Variants in CNTN2 observed in about 807,000 individuals in gnomAD.
The protein encoded by CNTN2 is contactin 2.
In CNTN2, 53 loss-of-function variants were observed where a neutral mutation model predicts 117.5. That is an observed-to-expected ratio of 0.45 (90% CI 0.36 to 0.57). The LOEUF is 0.57. Ranked by LOEUF, CNTN2 falls within the 20% of genes least tolerant of loss-of-function variation. The pLI, the probability that CNTN2 is intolerant of heterozygous loss-of-function variation, is 0.00. For synonymous variants in CNTN2, 530 were observed against 561.7 expected, an observed-to-expected ratio of 0.94 and a Z score of 0.80; for missense variants, 1,106 against 1,404.3, an observed-to-expected ratio of 0.79 and a Z score of 3.39.
chr1:205,064,887 C>G (rs915657480), intron 12 of CNTN2, 137 bp downstream of exon 12: 4 of 1,352,670 alleles, frequency 3.0e-6, no homozygotes, highest in African/African-American at 2.9e-5. Flanking sequence ...CTTGGGACCA[C>G]CCCCTGGCCA....
At chr1:205,044,323 A>G (rs2096437439) in intron 1 of CNTN2, among the ~76,000 whole-genome samples, 1 of 152,092 alleles carries the variant, frequency 6.6e-6, no homozygotes, top group Non-Finnish European at 1.5e-5. Flanking sequence ...ACCTTCTCCA[A>G]GAGGGTCTCT....
intron 1 of CNTN2, 35 bp from the exon 2 acceptor site, chr1:205,053,065 C>T (rs1041392201): frequency 2.2e-5 from 14 of 644,682 alleles, no homozygotes; most frequent in African/African-American, 1.5e-4. Flanking sequence ...GGGCGCTCCT[C>T]GGCTCAGAGC....
rs554475423 is a variant in CNTN2, at chr1:205,047,181, T to A, written c.-87+3787T>A. On this transcript the variant is annotated intron_variant, in intron 1 of 22. Coordinates refer to ENST00000331830, the MANE Select transcript of CNTN2 (RefSeq NM_005076.5). ...GGACGGGGCTGCACGACACCCCTGG[T>A]CCCCATTGGGGCTGAGGAGGTCCCT... 5.3e-5 allele frequency among the ~76,000 whole-genome samples: 8 copies of A among 152,220 alleles called. No individual in the cohort carries two copies. In the South Asian group the frequency reaches 1.7e-3, roughly 32 times the overall value.
In CNTN2 at chr1:205,073,336, G is replaced by A. The variant is rs968953859; in HGVS notation, c.3013+100G>A. 17 of 1,412,216 alleles carry A rather than the reference G, an allele frequency of 1.2e-5. No individual in the cohort carries two copies. The highest frequency in any genetic ancestry group is 1.1e-4 in the African/African-American group (8 of 70,130). The allele number at this position is 1,412,216 out of a possible 1,614,324, so 87.5% of individuals were successfully genotyped here. On this transcript the variant is annotated intron_variant, in intron 22 of 22. Coordinates refer to ENST00000331830, the MANE Select transcript of CNTN2 (RefSeq NM_005076.5). The surrounding 1 kb of genome is among the most constrained non-coding windows in gnomAD (Gnocchi z 6.3). ...CCCAGGCCAACTCCAATCTCTACCC[G>A]CAAAGGAAAGTGGAAGGCAGGCAGG... is the stretch of plus-strand genomic sequence containing the variant.
Position 205,074,707 on chromosome 1 carries a change from G to T in CNTN2, c.*942G>T. 1 of 399,040 alleles carries T rather than the reference G, an allele frequency of 2.5e-6. No homozygotes were observed. The allele number at this position is 399,040 out of a possible 1,614,324, so 24.7% of individuals were successfully genotyped here. A position where few individuals can be genotyped will look rare whatever the true frequency, so the allele number is the denominator to read the frequency against. ...CTCCAGTGCTGCCTGCAGTCAGCTC[G>T]GCCTCCCCGACCTGCAGCCCCAGAC... On this transcript the variant is annotated 3_prime_UTR_variant, in exon 23 of 23. Coordinates refer to ENST00000331830, the MANE Select transcript of CNTN2 (RefSeq NM_005076.5).
chr1:205,064,228 A>T (rs1654145417), intron 10 of CNTN2, 94 bp from the exon 11 acceptor site: 1 of 1,329,246 alleles, frequency 7.5e-7, no homozygotes, highest in Non-Finnish European at 1.0e-6. Context: ...TGCTAATAGG[A>T]GTCACTCATG....
At chr1:205,068,236 G>A (rs1654408313) in intron 16 of CNTN2, 1 of 152,248 alleles carries the variant, frequency 6.6e-6, no homozygotes, top group Admixed American at 6.5e-5. Context: ...GCAGGGGAAG[G>A]CCTGGAATGA....
chr1:205,061,457 C>G lies in CNTN2; in HGVS notation c.973+37C>G. ...GGGACACCTTCTCCGCCCCTCCCGA[C>G]CCCCCTTCCCGCCTTCACCCTTGTC... On this transcript the variant is annotated intron_variant, in intron 8 of 22. Transcript: ENST00000331830. The surrounding 1 kb of genome is among the most constrained non-coding windows in gnomAD (Gnocchi z 4.8). 1 of 1,527,802 alleles carries G rather than the reference C, an allele frequency of 6.5e-7. No homozygotes were observed. Among genetic ancestry groups the G allele is most frequent in the Non-Finnish European group, 8.8e-7 (1 of 1,132,100 alleles). The allele number at this position is 1,527,802 out of a possible 1,614,324, so 94.6% of individuals were successfully genotyped here.
At chr1:205,070,124 G>A in intron 18 of CNTN2, 63 bp downstream of exon 18, 3 of 1,492,692 alleles carry the variant, frequency 2.0e-6, no homozygotes, top group Non-Finnish European at 2.8e-6. Context: ...GGGATGTGGG[G>A]TGGGGGAACG....
At chr1:205,070,254 G>A in intron 18 of CNTN2, 172 bp from the exon 19 acceptor site, 4 of 715,332 alleles carry the variant, frequency 5.6e-6, no homozygotes, top group Non-Finnish European at 9.3e-6. Context: ...GAAAAGGGAG[G>A]CTCTCTGGGA....
intron 21 of CNTN2, 169 bp downstream of exon 21, chr1:205,072,764 C>T (rs187444989): frequency 7.5e-5 from 51 of 681,908 alleles, no homozygotes; most frequent in Non-Finnish European, 1.1e-4. Context: ...CAGTAACTTG[C>T]AGTAGAAACT....
At chr1:205,043,842 G>C (rs547927008) in intron 1 of CNTN2, among the ~76,000 whole-genome samples, 1 of 152,324 alleles carries the variant, frequency 6.6e-6, no homozygotes, top group African/African-American at 2.4e-5. Flanking sequence ...CAGTTTTGAG[G>C]TCACCCAGGG....
intron 1 of CNTN2, among the ~76,000 whole-genome samples, chr1:205,051,641 C>T (rs2096453115): frequency 6.6e-6 from 1 of 152,164 alleles, no homozygotes; most frequent in Admixed American, 6.5e-5. Flanking sequence ...GCAAAACACC[C>T]AGCTTCTCGG....
In CNTN2 at chr1:205,073,900, C is replaced by T; in HGVS notation, c.*135C>T. ...TTAAATACCTACTTTAAACAGTGCC[C>T]TTTTTGTAGGAGGTAGGATATTTTA... On this transcript the variant is annotated 3_prime_UTR_variant, in exon 23 of 23. Transcript: ENST00000331830. The surrounding 1 kb of genome is among the most constrained non-coding windows in gnomAD (Gnocchi z 6.3). 3.0e-6 allele frequency: 2 copies of T among 670,376 alleles called. No homozygotes were observed. The highest frequency in any genetic ancestry group is 2.6e-6 in the Non-Finnish European group (1 of 382,624). The allele number at this position is 670,376 out of a possible 1,614,324, so 41.5% of individuals were successfully genotyped here.
chr1:205,064,187 G>C, intron 10 of CNTN2, 135 bp from the exon 11 acceptor site: 1 of 945,954 alleles, frequency 1.1e-6, no homozygotes, highest in Non-Finnish European at 1.5e-6. Flanking sequence ...AGAGAAAAAA[G>C]GGCTTGGTTC....
At position 205,059,534 on chromosome 1, in the gene CNTN2, C is replaced by A. The variant is rs202191108; in HGVS notation, c.698-49C>A. ...TGCTGAGATCCCATGCACGGGAGCACCTGACCTGGAGTCATCTGCATCTGA... is the reference window on the plus strand; with the variant it reads ...TGCTGAGATCCCATGCACGGGAGCAACTGACCTGGAGTCATCTGCATCTGA... On this transcript the variant is annotated intron_variant, in intron 6 of 22. Transcript: ENST00000331830. This position sits in a 1 kb window ranked among gnomAD's most constrained non-coding sequence, Gnocchi z 5.6. 4 of 1,547,776 alleles carry A rather than the reference C, an allele frequency of 2.6e-6. No individual in the cohort carries two copies. The highest frequency in any genetic ancestry group is 2.7e-5 in the African/African-American group (2 of 73,570).
In CNTN2 at chr1:205,070,500, G is replaced by A. The variant is rs775217770; in HGVS notation, c.2506G>A (p.Val836Met). 5.2e-5 allele frequency: 84 copies of A among 1,613,856 alleles called. No homozygotes were observed. In the South Asian group the frequency reaches 8.1e-4, roughly 16 times the overall value. The change falls in exon 19 of 23, where the codon GTG (valine) becomes ATG (methionine). Residue 836 changes from valine (V) to methionine (M), a missense_variant. Transcript: ENST00000331830. ...SSEMNVTWEP[V>M]QQDMNGILLG... is the part of the protein sequence containing the mutation. ...AGAGATGAACGTGACCTGGGAACCC[G>A]TGCAGCAGGACATGAATGGTATCCT...
In CNTN2 at chr1:205,058,021, G is replaced by T; in HGVS notation, c.171G>T (p.Val57=). 6.2e-7 allele frequency: 1 copy of T among 1,614,100 alleles called. No homozygotes were observed. The highest frequency in any genetic ancestry group is 8.5e-7 in the Non-Finnish European group (1 of 1,180,020). ...LFPEESTEEQ[V]LLACRARASP... ...CAGAGGAGTCCACGGAGGAGCAGGT[G>T]TTGCTGGCATGCCGCGCCCGGGCCA... Residue 57 remains valine (V), a synonymous_variant, in exon 3 of 23, where the codon GTG becomes GTT. Transcript: ENST00000331830. This position sits in a 1 kb window ranked among gnomAD's most constrained non-coding sequence, Gnocchi z 4.3.
chr1:205,074,465 G>A lies in CNTN2; in HGVS notation c.*700G>A. On this transcript the variant is annotated 3_prime_UTR_variant, in exon 23 of 23. Transcript: ENST00000331830. ...GAGAGGCCAGGGCCCTTGGTGGAAAGGGGCACCAGCCTTGGTCTGAGATAG... is the reference window on the plus strand; with the variant it reads ...GAGAGGCCAGGGCCCTTGGTGGAAAAGGGCACCAGCCTTGGTCTGAGATAG... The A allele has an allele frequency of 2.5e-6, 1 of 398,568 alleles. No individual in the cohort carries two copies. Among genetic ancestry groups the A allele is most frequent in the South Asian group, 1.4e-4 (1 of 7,164 alleles). The allele number at this position is 398,568 out of a possible 1,614,324, so 24.7% of individuals were successfully genotyped here.
Sources: allele counts gnomAD v4.1 joint callset (sites outside exome capture counted in the v4.1 genomes callset), GRCh38; gene constraint gnomAD v4.1.1; non-coding constraint Gnocchi (gnomAD v3.1); transcripts MANE v1.5; gene names NCBI Gene and HGNC (gene_info 2026-07-23, HGNC 2026-07-21).